HSPG2: variants seen among roughly 807,000 people sequenced by gnomAD.
HSPG2 encodes basement membrane-specific heparan sulfate proteoglycan core protein.
HSPG2 carries 278 observed loss-of-function variants against 526.6 expected under a neutral mutation model. The observed-to-expected ratio is 0.53, with a 90% CI of 0.48 to 0.58. The LOEUF is 0.58. HSPG2 is among the 20% of genes least tolerant of loss of function. The probability of loss-of-function intolerance (pLI) is 0.00; values close to 1 mark genes in which losing one functional copy is unlikely to be tolerated. For missense variants in HSPG2, 5,354 were observed against 6,099.5 expected, an observed-to-expected ratio of 0.88 and a Z score of 4.07; for synonymous variants, 2,465 against 2,555.4, an observed-to-expected ratio of 0.96 and a Z score of 1.07.
chr1:21,874,523 T>A lies in HSPG2; in HGVS notation c.3539A>T (p.His1180Leu), dbSNP rs1640897422. 2 of 1,613,606 alleles carry A rather than the reference T, an allele frequency of 1.2e-6. No homozygotes were observed. The highest frequency in any genetic ancestry group is 4.5e-5 in the East Asian group (2 of 44,872). ...CTCACACCGAGGGCCCTCCGTGTGA[T>A]GCTGGCAGCCCTGGAGGAGCAGGAT... Reference protein sequence around the residue: ...PETGACQGCQHHTEGPRCEQC... With the variant: ...PETGACQGCQLHTEGPRCEQC... The change falls in exon 28 of 97, where the codon CAT becomes CTT. Residue 1180 changes from histidine (H) to leucine (L), a missense_variant. By Grantham distance (99) the His-to-Leu change is moderately conservative. Coordinates refer to ENST00000374695, the MANE Select transcript of HSPG2 (RefSeq NM_005529.7).
At position 21,832,635 on chromosome 1, in the gene HSPG2, C is replaced by G. The variant is rs759274888; in HGVS notation, c.11096-29G>C. On this transcript the variant is annotated intron_variant, in intron 80 of 96. Coordinates refer to ENST00000374695, the MANE Select transcript of HSPG2 (RefSeq NM_005529.7). Reference sequence around the variant, plus strand: ...GGTGGGCACCACTGTGTAAGGGGCCCCCTTCCAGCCACAGGCTCCCTGTCC... The same window carrying G: ...GGTGGGCACCACTGTGTAAGGGGCCGCCTTCCAGCCACAGGCTCCCTGTCC... 3.8e-6 allele frequency: 6 copies of G among 1,566,588 alleles called. No individual in the cohort carries two copies. In the African/African-American group the frequency reaches 8.1e-5, roughly 21 times the overall value.
intron 1 of HSPG2, among the ~76,000 whole-genome samples, chr1:21,931,976 A>G (rs1644362010): frequency 6.6e-6 from 1 of 152,148 alleles, no homozygotes; most frequent in South Asian, 2.1e-4. Context: ...TCAGGCCTAA[A>G]AGTCCCTGGA....
chr1:21,932,573 AACAAATACAG>A (rs1644375348), intron 1 of HSPG2, among the ~76,000 whole-genome samples: 1 of 152,218 alleles, frequency 6.6e-6, no homozygotes, highest in Admixed American at 6.5e-5. Flanking sequence ...TAAACACATA[AACAAATACAG>A]ACAAATACAG....
At position 21,847,291 on chromosome 1, in the gene HSPG2, A is replaced by C; in HGVS notation, c.8164+63T>G. The C allele has an allele frequency of 6.3e-7, 1 of 1,599,918 alleles. No homozygotes were observed. Among genetic ancestry groups the C allele is most frequent in the South Asian group, 1.1e-5 (1 of 90,774 alleles). Reference sequence around the variant, plus strand: ...CCAGGTCTGAGGACTCTGACCTGAAAGTTCCTTCTCCCCAGGGAACACTGT... The same window carrying C: ...CCAGGTCTGAGGACTCTGACCTGAACGTTCCTTCTCCCCAGGGAACACTGT... On this transcript the variant is annotated intron_variant, in intron 62 of 96. Transcript: ENST00000374695. This position sits in a 1 kb window ranked among gnomAD's most constrained non-coding sequence, Gnocchi z 4.1.
chr1:21,915,508 C>T (rs1301958082), intron 1 of HSPG2, among the ~76,000 whole-genome samples: 2 of 151,934 alleles, frequency 1.3e-5, no homozygotes, highest in African/African-American at 4.8e-5. Context: ...GAGAGGCTGC[C>T]GAGAAGAAAG....
chr1:21,908,120 G>C, intron 1 of HSPG2: 1 of 816,352 alleles, frequency 1.2e-6, no homozygotes, highest in East Asian at 2.4e-5. Context: ...AAGGGAAAGA[G>C]GAGAGGCACC....
chr1:21,924,740 C>T (rs1415905852), intron 1 of HSPG2, among the ~76,000 whole-genome samples: 1 of 152,136 alleles, frequency 6.6e-6, no homozygotes, highest in Non-Finnish European at 1.5e-5. Flanking sequence ...ACCTTAACGA[C>T]TCTGGCAGCA....
chr1:21,833,721 G>C, intron 78 of HSPG2, 95 bp downstream of exon 78: 2 of 1,560,426 alleles, frequency 1.3e-6, no homozygotes, highest in Non-Finnish European at 1.8e-6. Context: ...GTTTGCTCTT[G>C]GCCAAGCCTG....
Position 21,895,736 on chromosome 1 carries a change from C to T in HSPG2, c.244+186G>A, listed in dbSNP as rs532230013. ...CATGGGCAAGCACAGGACCTGGCCA[C>T]ACCAGCCTTGCAGGGACCTGCCAAT... is the stretch of plus-strand genomic sequence containing the variant. On this transcript the variant is annotated intron_variant, in intron 3 of 96. Coordinates refer to ENST00000374695, the MANE Select transcript of HSPG2 (RefSeq NM_005529.7). The surrounding 1 kb of genome is among the most constrained non-coding windows in gnomAD (Gnocchi z 4.1). Among the ~76,000 whole-genome samples, 1 of 152,358 alleles carries T rather than the reference C, an allele frequency of 6.6e-6. No individual in the cohort carries two copies. The highest frequency in any genetic ancestry group is 2.1e-4 in the South Asian group (1 of 4,834).
chr1:21,874,095 G>A, intron 28 of HSPG2, 84 bp from the exon 29 acceptor site: 1 of 1,248,474 alleles, frequency 8.0e-7, no homozygotes, highest in Non-Finnish European at 1.1e-6. Flanking sequence ...GGGGAGAGGG[G>A]AGGGGAAGAA....
At chr1:21,841,699 A>G (rs767984589) in intron 69 of HSPG2, 26 bp from the exon 70 acceptor site, 2 of 1,613,592 alleles carry the variant, frequency 1.2e-6, no homozygotes, top group Non-Finnish European at 1.7e-6. Flanking sequence ...GGGGAGGGTG[A>G]GAGAGGATTG....
intron 39 of HSPG2, 72 bp downstream of exon 39, chr1:21,861,685 C>T: frequency 7.3e-7 from 1 of 1,373,012 alleles, no homozygotes; most frequent in Non-Finnish European, 1.0e-6. Context: ...CTGAGCAACA[C>T]CCTTTAAGGC....
chr1:21,930,745 G>C (rs1044273177), intron 1 of HSPG2, among the ~76,000 whole-genome samples: 4 of 150,840 alleles, frequency 2.7e-5, no homozygotes, highest in African/African-American at 7.3e-5. Context: ...CTGCACTCTA[G>C]CCTGGGTAAC....
chr1:21,916,053 A>G (rs1198373819), intron 1 of HSPG2, among the ~76,000 whole-genome samples: 1 of 133,314 alleles, frequency 7.5e-6, no homozygotes, highest in Non-Finnish European at 1.6e-5. Context: ...TCCATCTCAA[A>G]AAAGAAAAGA....
At chr1:21,896,538 G>C (rs1243185818) in intron 1 of HSPG2, among the ~76,000 whole-genome samples, 1 of 152,134 alleles carries the variant, frequency 6.6e-6, no homozygotes, top group Admixed American at 6.5e-5. Flanking sequence ...TGCTATTTCC[G>C]AATGAATCCT....
chr1:21,869,439 T>A (rs1298346681), intron 33 of HSPG2: 1 of 985,746 alleles, frequency 1.0e-6, no homozygotes, highest in Non-Finnish European at 1.2e-6. Context: ...TGGGTGGGGA[T>A]CCCTTGATGG....
Position 21,846,482 on chromosome 1 carries a change from T to G in HSPG2, c.8282A>C (p.His2761Pro), listed in dbSNP as rs769314315. The G allele has an allele frequency of 6.2e-7, 1 of 1,613,674 alleles. No individual in the cohort carries two copies. Residue 2761 changes from histidine (H) to proline (P), a missense_variant, in exon 63 of 97, where the codon CAC becomes CCC. Transcript: ENST00000374695. Reference protein sequence around the residue: ...PGQAHAQVTWHKRGGSLPSHH... With the variant: ...PGQAHAQVTWPKRGGSLPSHH... ...ACTGGGGAGGCTGCCCCCACGCTTG[T>G]GCCAAGTGACCTGGGCATGGGCCTG...
In HSPG2 at chr1:21,872,083, C is replaced by G. The variant is rs371065630; in HGVS notation, c.4221+103G>C. 7.7e-7 allele frequency: 1 copy of G among 1,294,408 alleles called. No homozygotes were observed. The highest frequency in any genetic ancestry group is 1.1e-6 in the Non-Finnish European group (1 of 915,718). The allele number at this position is 1,294,408 out of a possible 1,614,324, so 80.2% of individuals were successfully genotyped here. A position where few individuals can be genotyped will look rare whatever the true frequency, so the allele number is the denominator to read the frequency against. ...ACTGCAAAAGCCACGTGCCTAACCA[C>G]GATATGGCCATGCAGGTGGCAGGTG... is the stretch of plus-strand genomic sequence containing the variant. On this transcript the variant is annotated intron_variant, in intron 33 of 96. Coordinates refer to ENST00000374695, the MANE Select transcript of HSPG2 (RefSeq NM_005529.7). This position sits in a 1 kb window ranked among gnomAD's most constrained non-coding sequence, Gnocchi z 5.5.
intron 1 of HSPG2, among the ~76,000 whole-genome samples, chr1:21,925,093 T>G (rs542854643): frequency 1.3e-5 from 2 of 152,368 alleles, no homozygotes; most frequent in East Asian, 3.9e-4. Context: ...GAAGGCAGCC[T>G]CTACCTTCCT....
Sources: gnomAD v4.1 joint callset for allele counts (sites outside exome capture counted in the v4.1 genomes callset) on GRCh38, gnomAD v4.1.1 for gene constraint, Gnocchi (gnomAD v3.1) non-coding constraint, MANE v1.5 for transcripts, NCBI Gene and HGNC (gene_info 2026-07-23, HGNC 2026-07-21) for gene names.